The following BMS1 variants were observed in gnomAD, a reference collection of about 807,000 sequenced individuals.
The protein encoded by BMS1 is BMS1 ribosome biogenesis factor.
Under a neutral mutation model 138.7 loss-of-function variants are expected in BMS1, and 53 were observed. The ratio of observed to expected loss-of-function variants is 0.38; its 90% CI spans 0.31 to 0.48. The LOEUF (loss-of-function observed/expected upper bound fraction) is 0.48. Among genes scored for constraint, BMS1 ranks in the 20% least tolerant of loss-of-function variants. BMS1 has a pLI of 0.97. For synonymous variants in BMS1, 504 were observed against 539.9 expected, an observed-to-expected ratio of 0.93 and a Z score of 0.92; for missense variants, 1,360 against 1,565.5, an observed-to-expected ratio of 0.87 and a Z score of 2.22.
intron 22 of BMS1, 145 bp from the exon 23 acceptor site, chr10:42,830,721 C>G (rs955327634): frequency 1.4e-5 from 11 of 783,266 alleles, no homozygotes; most frequent in Admixed American, 5.8e-5. Flanking sequence ...TGTCTCCATG[C>G]CAACAATGAC....
chr10:42,814,083 C>T (rs1842266149), intron 13 of BMS1, among the ~76,000 whole-genome samples: 1 of 152,126 alleles, frequency 6.6e-6, no homozygotes, highest in African/African-American at 2.4e-5. Context: ...ATCAGTGTTG[C>T]TTTCTTTTGT....
At chr10:42,790,592 A>C (rs1297300837) in intron 5 of BMS1, 81 bp downstream of exon 5, 1 of 1,437,918 alleles carries the variant, frequency 7.0e-7, no homozygotes, top group Non-Finnish European at 9.5e-7. Flanking sequence ...AGTGGCTAAC[A>C]CCTGTAATCC....
intron 3 of BMS1, among the ~76,000 whole-genome samples, chr10:42,786,618 T>A (rs1470901428): frequency 9.3e-5 from 14 of 150,888 alleles, no homozygotes; most frequent in Non-Finnish European, 1.5e-5. Context: ...AGAGATGGGG[T>A]TTCCCCATAT....
intron 21 of BMS1, among the ~76,000 whole-genome samples, chr10:42,827,421 T>C (rs911885383): frequency 4.6e-5 from 7 of 152,144 alleles, no homozygotes; most frequent in Admixed American, 2.0e-4. Context: ...GGGGGTGATA[T>C]AGAGCAACAA....
intron 13 of BMS1, 82 bp downstream of exon 13, chr10:42,802,300 G>A: frequency 1.7e-6 from 2 of 1,176,242 alleles, no homozygotes; most frequent in Non-Finnish European, 2.4e-6. Context: ...TAGTCAAATT[G>A]AAAATAATAG....
intron 8 of BMS1, among the ~76,000 whole-genome samples, chr10:42,793,584 T>C (rs1347760866): frequency 6.6e-6 from 1 of 152,240 alleles, no homozygotes; most frequent in African/African-American, 2.4e-5. Context: ...TTAGAAAAGC[T>C]AGCATTGTTG....
chr10:42,811,523 T>TC (rs1564423796), intron 13 of BMS1, among the ~76,000 whole-genome samples: 1 of 120,478 alleles, frequency 8.3e-6, no homozygotes. Context: ...GTATTTTCTT[T>TC]TTCTTTTTTT....
rs763466671 is a variant in BMS1 at position 42,816,663 on chromosome 10, C to T, written c.2394C>T (p.Pro798=). The change falls in exon 14 of 23, where the codon CCC becomes CCT. Residue 798 remains proline (P), a synonymous_variant. Transcript: ENST00000374518. ...TGDVHKGKSG[P]NTQNEDIEKE... ...ACGTGCACAAGGGAAAATCAGGCCCCAATACTCAGGTATGACTTTGTCGTA... is the reference window on the plus strand; with the variant it reads ...ACGTGCACAAGGGAAAATCAGGCCCTAATACTCAGGTATGACTTTGTCGTA... The T allele has an allele frequency of 6.2e-7, 1 of 1,611,220 alleles. No individual in the cohort carries two copies. Among genetic ancestry groups the T allele is most frequent in the South Asian group, 1.1e-5 (1 of 90,898 alleles).
chr10:42,834,718 CT>C lies in BMS1; in HGVS notation c.*3626del, dbSNP rs1044893242. 5.3e-5 allele frequency: 8 copies of C among 151,940 alleles called. No individual in the cohort carries two copies. The highest frequency in any genetic ancestry group is 1.9e-4 in the African/African-American group (8 of 41,344). The allele number at this position is 151,940 out of a possible 1,614,324, so 9.4% of individuals were successfully genotyped here. A position where few individuals can be genotyped will look rare whatever the true frequency, so the allele number is the denominator to read the frequency against. On this transcript the variant is annotated 3_prime_UTR_variant, in exon 23 of 23. Transcript: ENST00000374518. ...TGGTTGGATGGGTATTTGGAGGAAT[CT>C]TTTAAGTCTTTTCTTAAGCAAAGTT...
chr10:42,830,026 TG>T (rs1564435147), intron 21 of BMS1, among the ~76,000 whole-genome samples: 1 of 152,040 alleles, frequency 6.6e-6, no homozygotes, highest in Admixed American at 6.6e-5. Context: ...CAGTGGGTTT[TG>T]GGGGGAGAGT....
At chr10:42,789,592 GTT>G (rs11337884) in intron 4 of BMS1, among the ~76,000 whole-genome samples, 5 of 148,068 alleles carry the variant, frequency 3.4e-5, no homozygotes, top group African/African-American at 4.9e-5. Context: ...TAATCTTACT[GTT>G]TTTTTTTTTA....
At chr10:42,790,556 T>C (rs1333385332) in intron 5 of BMS1, 45 bp downstream of exon 5, 1 of 1,596,250 alleles carries the variant, frequency 6.3e-7, no homozygotes, top group South Asian at 1.1e-5. Context: ...ATAATCCTTT[T>C]AAAATAGACT....
At chr10:42,828,316 G>A (rs1394947785) in intron 21 of BMS1, among the ~76,000 whole-genome samples, 3 of 152,236 alleles carry the variant, frequency 2.0e-5, no homozygotes, top group Non-Finnish European at 1.5e-5. Context: ...TTGAGTTCCA[G>A]TATATGACTG....
At chr10:42,800,385 T>C (rs1241614372) in intron 12 of BMS1, among the ~76,000 whole-genome samples, 1 of 152,194 alleles carries the variant, frequency 6.6e-6, no homozygotes, top group African/African-American at 2.4e-5. Context: ...CCTAGAACCA[T>C]ACCAATTTCT....
intron 4 of BMS1, among the ~76,000 whole-genome samples, chr10:42,788,409 G>A (rs1415783461): frequency 3.9e-5 from 6 of 151,988 alleles, no homozygotes; most frequent in South Asian, 2.1e-4. Context: ...GGTACATGTG[G>A]TATTTTGACA....
intron 13 of BMS1, among the ~76,000 whole-genome samples, chr10:42,811,334 C>T (rs10466247): frequency 0.37 from 56,130 of 151,378 alleles, 11,090 homozygotes; most frequent in East Asian, 0.63. Context: ...TGAGCCACCA[C>T]ATCCGGCCAA....
In BMS1 at chr10:42,798,508, A is replaced by G. The variant is rs560079673; in HGVS notation, c.2130A>G (p.Glu710=). Residue 710 remains glutamate, a synonymous_variant, in exon 12 of 23, where the codon GAA becomes GAG. Transcript: ENST00000374518. ...AAGAAGAAGATGATGATACTCTAGA[A>G]GAGCTTGGAGGGTTGTTTCGTGTCA... ...DNEEEDDDTL[E]ELGGLFRVNQ... is the part of the protein sequence containing the mutation. 1 of 1,614,228 alleles carries G rather than the reference A, an allele frequency of 6.2e-7. No homozygotes were observed. The highest frequency in any genetic ancestry group is 1.3e-5 in the African/African-American group (1 of 75,052).
intron 11 of BMS1, among the ~76,000 whole-genome samples, chr10:42,798,196 C>T (rs367786286): frequency 6.6e-6 from 1 of 152,218 alleles, no homozygotes; most frequent in African/African-American, 2.4e-5. Context: ...CCTCCCTTCA[C>T]CGCTAATATT....
chr10:42,790,755 A>G (rs924204982), intron 5 of BMS1, among the ~76,000 whole-genome samples: 1 of 152,024 alleles, frequency 6.6e-6, no homozygotes, highest in African/African-American at 2.4e-5. Context: ...GAGGCTGAGA[A>G]GTGAGAATTG....
Sources: allele counts gnomAD v4.1 joint callset (sites outside exome capture counted in the v4.1 genomes callset), GRCh38; gene constraint gnomAD v4.1.1; transcripts MANE v1.5; gene names NCBI Gene and HGNC (gene_info 2026-07-23, HGNC 2026-07-21).